The following ZMYM2 variants were observed in gnomAD, a reference collection of about 807,000 sequenced individuals.
ZMYM2 encodes zinc finger MYM-type protein 2.
A neutral mutation model predicts 162.8 loss-of-function variants in ZMYM2; 56 were observed. The ratio of observed to expected loss-of-function variants is 0.34; its 90% confidence interval spans 0.28 to 0.43. ZMYM2 has a LOEUF of 0.43. Ranked by LOEUF, ZMYM2 falls within the 20% of genes least tolerant of loss-of-function variation. ZMYM2 has a pLI of 1.00. For missense variants in ZMYM2, 1,275 were observed against 1,621.8 expected (o/e 0.79, Z 3.67); for synonymous variants, 510 against 541.6 (o/e 0.94, Z 0.81).
Position 20,067,376 on chromosome 13 carries a change from C to A in ZMYM2, c.3439C>A (p.Leu1147Ile). The A allele has an allele frequency of 6.2e-7, 1 of 1,608,430 alleles. No homozygotes were observed. Among genetic ancestry groups the A allele is most frequent in the Non-Finnish European group, 8.5e-7 (1 of 1,176,744 alleles). The change falls in exon 21 of 25, where the codon CTT (leucine) becomes ATT (isoleucine). Residue 1147 changes from leucine to isoleucine, a missense_variant. Physicochemically the swap from Leu to Ile is conservative, Grantham distance 5. This residue lies in a region of ZMYM2 where 103 missense variants were observed against 192.2 expected (regional missense o/e 0.54). Coordinates refer to ENST00000610343, the MANE Select transcript of ZMYM2 (RefSeq NM_197968.4). Reference sequence around the variant, plus strand: ...ACCTGACAGCATCTATTACCTTTGCCTTGGAATACAGGAGGTTAGTAATTT... The same window carrying A: ...ACCTGACAGCATCTATTACCTTTGCATTGGAATACAGGAGGTTAGTAATTT... ...YAPDSIYYLC[L>I]GIQEYLCGSN...
chr13:20,057,157 C>T (rs1441651393), intron 14 of ZMYM2, among the ~76,000 whole-genome samples: 1 of 152,198 alleles, frequency 6.6e-6, no homozygotes, highest in Non-Finnish European at 1.5e-5. Context: ...GGCTAGAGTG[C>T]AGTGGCAATA....
chr13:20,049,494 G>A (rs1955120489), intron 12 of ZMYM2, among the ~76,000 whole-genome samples: 1 of 151,986 alleles, frequency 6.6e-6, no homozygotes, highest in South Asian at 2.1e-4. Flanking sequence ...AATTAATACA[G>A]ATTTCTGTTT....
chr13:19,893,918 C>A, the ZMYM2 span, among the ~76,000 whole-genome samples: 2 of 151,800 alleles, frequency 1.3e-5, no homozygotes, highest in Non-Finnish European at 2.9e-5. Context: ...GTCCTACAGG[C>A]ACACACCACC....
chr13:20,059,137 T>C (rs1432302802), intron 15 of ZMYM2, among the ~76,000 whole-genome samples: 1 of 152,102 alleles, frequency 6.6e-6, no homozygotes, highest in Non-Finnish European at 1.5e-5. Flanking sequence ...TTTGATTAAA[T>C]AAGCCTTTGG....
rs777431382 is a variant in ZMYM2 at position 20,019,535 on chromosome 13, A to T, written c.1513-12A>T. 1.3e-5 allele frequency: 21 copies of T among 1,566,626 alleles called. No homozygotes were observed. In the Admixed American group the frequency reaches 3.8e-4, roughly 29 times the overall value. ...ATGTGTGTTTATAAAGTCTTTTAAA[A>T]TCTTTTTTTAGGTAGGTAGCCATCC... On this transcript the variant is annotated splice_polypyrimidine_tract_variant and intron_variant, in intron 6 of 24. Coordinates refer to ENST00000610343, the MANE Select transcript of ZMYM2 (RefSeq NM_197968.4).
At chr13:19,929,094 A>G in the ZMYM2 span, among the ~76,000 whole-genome samples, 2 of 152,302 alleles carry the variant, frequency 1.3e-5, no homozygotes, top group African/African-American at 4.8e-5. Context: ...TATTTTTGTT[A>G]TTTATACTAA....
chr13:20,044,180 C>A (rs1049913084), intron 12 of ZMYM2, among the ~76,000 whole-genome samples: 3 of 152,144 alleles, frequency 2.0e-5, no homozygotes, highest in Non-Finnish European at 4.4e-5. Context: ...TACAGAGGCC[C>A]CTGCACCAAA....
At chr13:19,883,764 A>T in the ZMYM2 span, among the ~76,000 whole-genome samples, 3,155 of 152,028 alleles carry the variant, frequency 0.021, 59 homozygotes, top group African/African-American at 0.036. Context: ...ATATATATAT[A>T]TTTTTTTGAG....
chr13:19,882,044 C>CA, the ZMYM2 span, among the ~76,000 whole-genome samples: 6 of 150,728 alleles, frequency 4.0e-5, no homozygotes, highest in East Asian at 1.2e-3. Flanking sequence ...AAAATGAACT[C>CA]AAAGTCGATT....
the ZMYM2 span, among the ~76,000 whole-genome samples, chr13:19,904,670 G>A: frequency 3.9e-5 from 6 of 152,106 alleles, no homozygotes; most frequent in Non-Finnish European, 8.8e-5. Context: ...TCATATATGA[G>A]CATTGTCAAC....
At chr13:20,070,400 C>A in intron 21 of ZMYM2, 1 of 179,854 alleles carries the variant, frequency 5.6e-6, no homozygotes, top group South Asian at 1.3e-4. Flanking sequence ...GCAAAAATCT[C>A]TCCCAACTTT....
the ZMYM2 span, among the ~76,000 whole-genome samples, chr13:19,920,340 T>C: frequency 3.3e-5 from 5 of 152,152 alleles, no homozygotes. Flanking sequence ...TCTAAGGCAG[T>C]ACAGAAACAA....
At chr13:19,877,158 G>A in the ZMYM2 span, among the ~76,000 whole-genome samples, 2 of 147,176 alleles carry the variant, frequency 1.4e-5, no homozygotes, top group African/African-American at 2.5e-5. Flanking sequence ...CTTGCAGTAA[G>A]CCGAGATTGT....
intron 3 of ZMYM2, among the ~76,000 whole-genome samples, chr13:19,996,059 TCCC>T (rs1949994321): frequency 5.5e-5 from 4 of 72,080 alleles, no homozygotes; most frequent in Non-Finnish European, 1.1e-4. Flanking sequence ...CTTTAACCTC[TCCC>T]CCAATTCCTC....
intron 21 of ZMYM2, among the ~76,000 whole-genome samples, chr13:20,077,349 A>C (rs955951810): frequency 2.7e-5 from 4 of 150,584 alleles, no homozygotes; most frequent in Non-Finnish European, 4.4e-5. Flanking sequence ...ATGAGGAAGT[A>C]AAGTTACTTG....
At chr13:19,922,855 C>A in the ZMYM2 span, among the ~76,000 whole-genome samples, 1 of 150,274 alleles carries the variant, frequency 6.7e-6, no homozygotes, top group Non-Finnish European at 1.5e-5. Context: ...AAAAACAAAA[C>A]AAAACAAAAA....
At chr13:20,049,440 G>T (rs1207931855) in intron 12 of ZMYM2, among the ~76,000 whole-genome samples, 1 of 151,898 alleles carries the variant, frequency 6.6e-6, no homozygotes, top group Non-Finnish European at 1.5e-5. Flanking sequence ...TGTATAAACG[G>T]AAATACTACT....
chr13:19,965,431 G>C (rs1955657958), intron 2 of ZMYM2: 1 of 391,696 alleles, frequency 2.6e-6, no homozygotes, highest in Non-Finnish European at 4.5e-6. Flanking sequence ...TATCAAGTTG[G>C]ACTAGACAGA....
intron 6 of ZMYM2, among the ~76,000 whole-genome samples, chr13:20,015,367 G>A (rs572606013): frequency 1.2e-3 from 187 of 152,158 alleles, no homozygotes; most frequent in Middle Eastern, 6.8e-3. Flanking sequence ...CTTTTTTGTG[G>A]CCTAACATAG....
Sources: gnomAD v4.1 joint callset for allele counts (sites outside exome capture counted in the v4.1 genomes callset) on GRCh38, gnomAD v4.1.1 for gene constraint, gnomAD v4.1.1 regional missense constraint, MANE v1.5 for transcripts, NCBI Gene and HGNC (gene_info 2026-07-23, HGNC 2026-07-21) for gene names.